Variants in KCND3 observed in about 807,000 individuals in gnomAD.
The protein encoded by KCND3 is A-type voltage-gated potassium channel KCND3.
Under a neutral mutation model 51.1 loss-of-function variants are expected in KCND3, and 9 were observed. The observed-to-expected ratio is 0.18, with a 90% confidence interval of 0.11 to 0.31. The LOEUF is 0.31. KCND3 is among the 10% of genes least tolerant of loss of function. KCND3 has a pLI of 1.00. For synonymous variants in KCND3, 349 were observed against 368.0 expected (o/e 0.95, Z 0.59); for missense variants, 526 against 903.8 (o/e 0.58, Z 5.36).
chr1:111,863,770 T>C (rs1346632222), intron 2 of KCND3, among the ~76,000 whole-genome samples: 1 of 152,058 alleles, frequency 6.6e-6, no homozygotes, highest in Non-Finnish European at 1.5e-5. Context: ...GTTTTAGAAA[T>C]TTAAAAACGG....
intron 2 of KCND3, among the ~76,000 whole-genome samples, chr1:111,808,211 C>A (rs774921149): frequency 2.6e-5 from 4 of 152,156 alleles, no homozygotes; most frequent in Non-Finnish European, 5.9e-5. Context: ...TACTTTCATC[C>A]TTTTCCTCTT....
At chr1:111,851,274 G>C (rs1208135909) in intron 2 of KCND3, among the ~76,000 whole-genome samples, 1 of 152,138 alleles carries the variant, frequency 6.6e-6, no homozygotes, top group East Asian at 1.9e-4. Flanking sequence ...CTCTAGATCA[G>C]GGCAGTAACT....
intron 3 of KCND3, 111 bp downstream of exon 3, chr1:111,786,833 G>T: frequency 7.4e-7 from 1 of 1,348,282 alleles, no homozygotes; most frequent in Non-Finnish European, 1.1e-6. Context: ...ACCTTGCAAA[G>T]CCAGAGGCCA....
At chr1:111,779,871 C>T (rs1664296505) in intron 5 of KCND3, among the ~76,000 whole-genome samples, 1 of 152,244 alleles carries the variant, frequency 6.6e-6, no homozygotes, top group Admixed American at 6.5e-5. Context: ...CTCTCCTACA[C>T]AAATTCAGCC....
intron 2 of KCND3, among the ~76,000 whole-genome samples, chr1:111,948,059 G>A (rs1168085374): frequency 6.6e-6 from 1 of 152,202 alleles, no homozygotes; most frequent in Admixed American, 6.5e-5. Context: ...TGAATACCTA[G>A]TGAGTTCCTA....
At chr1:111,974,136 A>T (rs561544374) in intron 2 of KCND3, among the ~76,000 whole-genome samples, 8 of 152,134 alleles carry the variant, frequency 5.3e-5, no homozygotes, top group African/African-American at 1.9e-4. Flanking sequence ...AGTTGGAGGG[A>T]GGTAAGAGTG....
chr1:111,982,841 C>G lies in KCND3; in HGVS notation c.-72-43G>C, dbSNP rs1022200213. The G allele has an allele frequency of 1.4e-6, 2 of 1,407,184 alleles. No homozygotes were observed. Among genetic ancestry groups the G allele is most frequent in the Non-Finnish European group, 9.7e-7 (1 of 1,033,396 alleles). The allele number at this position is 1,407,184 out of a possible 1,614,324, so 87.2% of individuals were successfully genotyped here. A position where few individuals can be genotyped will look rare whatever the true frequency, so the allele number is the denominator to read the frequency against. On this transcript the variant is annotated intron_variant, in intron 1 of 7. Coordinates refer to ENST00000302127, the MANE Select transcript of KCND3 (RefSeq NM_001378969.1). This position sits in a 1 kb window ranked among gnomAD's most constrained non-coding sequence, Gnocchi z 8.5. ...AGAGAGAGAAGCGGTGAGTCCATAT[C>G]GACTGGCAGGTAAGAAATGGGACAC... is the stretch of plus-strand genomic sequence containing the variant.
intron 2 of KCND3, among the ~76,000 whole-genome samples, chr1:111,953,240 A>G (rs894663809): frequency 6.6e-6 from 1 of 152,152 alleles, no homozygotes; most frequent in South Asian, 2.1e-4. Context: ...CGGTCCATCA[A>G]TGAGGTTGGA....
intron 2 of KCND3, among the ~76,000 whole-genome samples, chr1:111,816,094 T>G (rs1201745429): frequency 6.6e-6 from 1 of 152,266 alleles, no homozygotes; most frequent in African/African-American, 2.4e-5. Context: ...GTGCTATTGA[T>G]ACTTCCATGT....
At chr1:111,924,510 G>A (rs955023251) in intron 2 of KCND3, among the ~76,000 whole-genome samples, 1 of 152,208 alleles carries the variant, frequency 6.6e-6, no homozygotes, top group African/African-American at 2.4e-5. Context: ...CAAGCCACAG[G>A]CTGCAAGCTT....
At chr1:111,936,562 G>C (rs1030985789) in intron 2 of KCND3, among the ~76,000 whole-genome samples, 18 of 152,334 alleles carry the variant, frequency 1.2e-4, no homozygotes, top group East Asian at 3.9e-4. Context: ...TATCATCAAG[G>C]CATGCGGCGG....
At position 111,771,247 on chromosome 1, in the gene KCND3, A is replaced by G. The variant is rs1663899373; in HGVS notation, c.*4830T>C. ...CTTTAAAGCTGTTTCATTTTCTGAT[A>G]GCCACTTTCTCTTAGTTTTAATGAT... On this transcript the variant is annotated 3_prime_UTR_variant, in exon 8 of 8. Transcript: ENST00000302127. The G allele has an allele frequency of 1.3e-5, 2 of 152,338 alleles. No individual in the cohort carries two copies. Among genetic ancestry groups the G allele is most frequent in the African/African-American group, 4.8e-5 (2 of 41,578 alleles). 9.4% of individuals were successfully genotyped at this position (152,338 alleles called of 1,614,324 possible). A position where few individuals can be genotyped will look rare whatever the true frequency, so the allele number is the denominator to read the frequency against.
At chr1:111,924,551 G>T (rs1405775614) in intron 2 of KCND3, among the ~76,000 whole-genome samples, 2 of 152,168 alleles carry the variant, frequency 1.3e-5, no homozygotes, top group African/African-American at 4.8e-5. Context: ...GGAACAGCAG[G>T]GCAGAGCCAT....
At chr1:111,906,075 G>A (rs1325701961) in intron 2 of KCND3, among the ~76,000 whole-genome samples, 2 of 152,232 alleles carry the variant, frequency 1.3e-5, no homozygotes, top group East Asian at 1.9e-4. Flanking sequence ...TGTCCTGGGG[G>A]CTGTGAGCCC....
intron 2 of KCND3, among the ~76,000 whole-genome samples, chr1:111,940,073 G>GTTTTTTTTTTTTTTTTTTTTTTTTTT (rs61088602): frequency 1.4e-3 from 117 of 85,454 alleles, no homozygotes; most frequent in Non-Finnish European, 1.6e-3. Flanking sequence ...CTTTTTGATG[G>GTTTTTTTTTTTTTTTTTTTTTTTTTT]TTTTTTTTTT....
chr1:111,850,858 G>A (rs1414406236), intron 2 of KCND3, among the ~76,000 whole-genome samples: 4 of 152,332 alleles, frequency 2.6e-5, no homozygotes, highest in South Asian at 2.1e-4. Context: ...CCACAACTGC[G>A]AAGATGGAAC....
intron 2 of KCND3, among the ~76,000 whole-genome samples, chr1:111,802,157 T>C (rs1665340282): frequency 6.6e-6 from 1 of 152,236 alleles, no homozygotes; most frequent in African/African-American, 2.4e-5. Context: ...AGTGCTTAGT[T>C]CTTCTGCATG....
intron 2 of KCND3, among the ~76,000 whole-genome samples, chr1:111,935,720 C>T (rs1430851570): frequency 4.6e-5 from 7 of 152,206 alleles, no homozygotes; most frequent in Non-Finnish European, 8.8e-5. Flanking sequence ...ACCTGTCTCT[C>T]CTGCAAATTG....
At chr1:111,806,478 G>A (rs946209840) in intron 2 of KCND3, among the ~76,000 whole-genome samples, 1 of 152,084 alleles carries the variant, frequency 6.6e-6, no homozygotes, top group African/African-American at 2.4e-5. Context: ...CCATTTGATT[G>A]GGTTAAAATT....
Sources: allele counts gnomAD v4.1 joint callset (sites outside exome capture counted in the v4.1 genomes callset), GRCh38; gene constraint gnomAD v4.1.1; non-coding constraint Gnocchi (gnomAD v3.1); transcripts MANE v1.5; gene names NCBI Gene and HGNC (gene_info 2026-07-23, HGNC 2026-07-21).